NRG3: variants seen among roughly 807,000 people sequenced by gnomAD.
NRG3 encodes the protein pro-neuregulin-3, membrane-bound isoform.
NRG3 carries 31 observed loss-of-function variants against 66.9 expected under a neutral mutation model. The observed-to-expected ratio is 0.46, with a 90% CI of 0.35 to 0.63. The LOEUF (loss-of-function observed/expected upper bound fraction) is 0.63. NRG3 is among the 20% of genes least tolerant of loss of function. The pLI is 0.00. For synonymous variants in NRG3, 393 were observed against 359.4 expected (o/e 1.09, Z -1.06); for missense variants, 910 against 878.9 (o/e 1.04, Z -0.45).
chr10:82,086,548 A>C (rs2065735199), intron 1 of NRG3, among the ~76,000 whole-genome samples: 1 of 152,078 alleles, frequency 6.6e-6, no homozygotes, highest in Non-Finnish European at 1.5e-5. Context: ...TGTACTTCAT[A>C]TTGATCTGGG....
intron 2 of NRG3, among the ~76,000 whole-genome samples, chr10:82,653,199 G>A (rs1324915504): frequency 6.6e-6 from 1 of 152,124 alleles, no homozygotes; most frequent in Non-Finnish European, 1.5e-5. Context: ...AAGATTTCCA[G>A]GAATAATTAA....
In NRG3 at chr10:82,344,469, G is replaced by A. The variant is rs982319252; in HGVS notation, c.824-14270G>A. ...TTCTTAATCCAGTGTATCATTGTTG[G>A]ACATTTGGGTTGGTTCCAAGTCTTT... is the stretch of plus-strand genomic sequence containing the variant. On this transcript the variant is annotated intron_variant, in intron 1 of 8. Transcript: ENST00000372141. Among the ~76,000 whole-genome samples, 55 of 148,912 alleles carry A rather than the reference G, an allele frequency of 3.7e-4. No homozygotes were observed. The East Asian group carries it at 9.6e-3, about 26-fold the overall frequency.
chr10:82,119,500 A>G (rs1456633564), intron 1 of NRG3, among the ~76,000 whole-genome samples: 1 of 152,198 alleles, frequency 6.6e-6, no homozygotes, highest in African/African-American at 2.4e-5. Flanking sequence ...GGCATGAAAA[A>G]TATAAATAAG....
At chr10:82,064,833 C>A (rs925589610) in intron 1 of NRG3, among the ~76,000 whole-genome samples, 1 of 152,114 alleles carries the variant, frequency 6.6e-6, no homozygotes, top group South Asian at 2.1e-4. Flanking sequence ...TAGCAAGAAC[C>A]TTTATCTCTG....
chr10:82,465,701 C>T (rs561797220), intron 2 of NRG3, among the ~76,000 whole-genome samples: 163 of 152,230 alleles, frequency 1.1e-3, no homozygotes, highest in African/African-American at 3.7e-3. Flanking sequence ...GGCAGCAGAA[C>T]AGAACAAAGT....
rs1564631398 is a variant in NRG3 at position 82,920,203 on chromosome 10, TGTA to T, written c.1055-31265_1055-31263del. 2.3e-3 allele frequency among the ~76,000 whole-genome samples: 355 copies of T among 152,308 alleles called. 2 individuals are homozygous for T. The highest frequency in any genetic ancestry group is 8.3e-3 in the African/African-American group (344 of 41,580). ...TACTGTACTCTAGTTGATAAAGTAC[TGTA>T]CTCTAGTTGATAAAGTACTTATTTT... On this transcript the variant is annotated intron_variant, in intron 4 of 8. Transcript: ENST00000372141.
At chr10:82,297,789 A>G (rs2080159201) in intron 1 of NRG3, among the ~76,000 whole-genome samples, 2 of 152,182 alleles carry the variant, frequency 1.3e-5, no homozygotes, top group African/African-American at 2.4e-5. Flanking sequence ...TTTATTGTAT[A>G]CATTGTATTG....
chr10:82,623,883 ATTC>A (rs2049221596), intron 2 of NRG3, among the ~76,000 whole-genome samples: 1 of 152,128 alleles, frequency 6.6e-6, no homozygotes, highest in African/African-American at 2.4e-5. Context: ...TTTACATACA[ATTC>A]TTCTTCCAGA....
intron 1 of NRG3, among the ~76,000 whole-genome samples, chr10:82,226,504 A>G (rs922626055): frequency 3.3e-5 from 5 of 152,124 alleles, no homozygotes; most frequent in Admixed American, 6.5e-5. Context: ...AACACTGATG[A>G]GGTACTAAAC....
At chr10:82,214,632 A>G (rs2075571699) in intron 1 of NRG3, among the ~76,000 whole-genome samples, 1 of 151,778 alleles carries the variant, frequency 6.6e-6, no homozygotes, top group Non-Finnish European at 1.5e-5. Flanking sequence ...CTGGCTAATT[A>G]AAAAAAATTT....
chr10:82,834,855 G>A (rs1166871274), intron 3 of NRG3, among the ~76,000 whole-genome samples: 3 of 152,182 alleles, frequency 2.0e-5, no homozygotes, highest in Admixed American at 6.5e-5. Context: ...TGCTTAGGTA[G>A]GAAACACTTA....
At chr10:81,900,226 GCA>G in intron 1 of NRG3, among the ~76,000 whole-genome samples, 2 of 146,940 alleles carry the variant, frequency 1.4e-5, no homozygotes, top group East Asian at 3.9e-4. Flanking sequence ...GGGATTACAG[GCA>G]TGAGCCAATG....
chr10:82,517,843 T>G (rs564703252), intron 2 of NRG3, among the ~76,000 whole-genome samples: 2 of 152,090 alleles, frequency 1.3e-5, no homozygotes. Flanking sequence ...ATGTACAAAT[T>G]TAGCTCATAA....
At chr10:82,826,400 G>T (rs1371728064) in intron 3 of NRG3, among the ~76,000 whole-genome samples, 1 of 152,170 alleles carries the variant, frequency 6.6e-6, no homozygotes, top group South Asian at 2.1e-4. Flanking sequence ...TAAAAGATGC[G>T]TAAGTTTCTG....
At chr10:82,514,677 G>T (rs10884894) in intron 2 of NRG3, among the ~76,000 whole-genome samples, 8,477 of 151,974 alleles carry the variant, frequency 0.056, 517 homozygotes, top group East Asian at 0.17. Flanking sequence ...TCTTTTTGCT[G>T]AGGCATACCT....
At chr10:82,563,903 T>C (rs1482121946) in intron 2 of NRG3, among the ~76,000 whole-genome samples, 1 of 152,136 alleles carries the variant, frequency 6.6e-6, no homozygotes, top group Admixed American at 6.6e-5. Context: ...TGAAGTGTTA[T>C]TCATTTGAGT....
intron 1 of NRG3, among the ~76,000 whole-genome samples, chr10:82,180,488 C>A (rs72825473): frequency 0.011 from 1,669 of 151,644 alleles, 14 homozygotes; most frequent in Middle Eastern, 0.024. Context: ...TTCTGTATAT[C>A]TTGAGATGAT....
chr10:82,846,522 AAAG>A (rs2063315760), intron 3 of NRG3, among the ~76,000 whole-genome samples: 4 of 152,220 alleles, frequency 2.6e-5, no homozygotes, highest in Admixed American at 1.3e-4. Context: ...AATAGAATTC[AAAG>A]AAGAAAGCTG....
At chr10:82,738,034 C>A (rs866601090) in intron 2 of NRG3, among the ~76,000 whole-genome samples, 2 of 149,760 alleles carry the variant, frequency 1.3e-5, no homozygotes, top group African/African-American at 4.9e-5. Flanking sequence ...TTATTTCTGG[C>A]AAAGTGGTGA....
Sources: allele counts gnomAD v4.1 joint callset (sites outside exome capture counted in the v4.1 genomes callset), GRCh38; gene constraint gnomAD v4.1.1; transcripts MANE v1.5; gene names NCBI Gene and HGNC (gene_info 2026-07-23, HGNC 2026-07-21).